Variants in PLXDC2 observed in about 807,000 individuals in gnomAD.
PLXDC2 encodes plexin domain containing 2.
A neutral mutation model predicts 68.9 loss-of-function variants in PLXDC2; 40 were observed. That is an observed-to-expected ratio of 0.58 (90% CI 0.45 to 0.76). The LOEUF is 0.76. PLXDC2 is among the 30% of genes least tolerant of loss of function. The pLI is 0.00. For missense variants in PLXDC2, 644 were observed against 661.9 expected (o/e 0.97, Z 0.30); for synonymous variants, 243 against 234.2 (o/e 1.04, Z -0.34).
At chr10:20,033,178 A>G (rs181385309) in intron 2 of PLXDC2, among the ~76,000 whole-genome samples, 1 of 151,928 alleles carries the variant, frequency 6.6e-6, no homozygotes, top group Non-Finnish European at 1.5e-5. Flanking sequence ...AACTTAAAGT[A>G]TAATAAAAAA....
At chr10:20,034,342 T>C (rs1835545699) in intron 2 of PLXDC2, among the ~76,000 whole-genome samples, 1 of 152,200 alleles carries the variant, frequency 6.6e-6, no homozygotes, top group South Asian at 2.1e-4. Flanking sequence ...TGATTAAATA[T>C]CCTCTGTATT....
chr10:20,247,812 A>G (rs550428254), intron 13 of PLXDC2, among the ~76,000 whole-genome samples: 1 of 152,348 alleles, frequency 6.6e-6, no homozygotes, highest in African/African-American at 2.4e-5. Context: ...CATAATAAAT[A>G]TCCTAGGACA....
intron 1 of PLXDC2, among the ~76,000 whole-genome samples, chr10:19,979,756 C>T (rs984159266): frequency 2.0e-5 from 3 of 152,142 alleles, no homozygotes; most frequent in Non-Finnish European, 4.4e-5. Flanking sequence ...TACCACTTGA[C>T]CAGTTTGCCT....
At chr10:19,826,173 A>G (rs541703165) in intron 1 of PLXDC2, among the ~76,000 whole-genome samples, 3 of 152,180 alleles carry the variant, frequency 2.0e-5, no homozygotes, top group South Asian at 4.2e-4. Flanking sequence ...AAAACATTCA[A>G]CCTCCTAATT....
At chr10:19,829,214 A>C (rs1323486169) in intron 1 of PLXDC2, among the ~76,000 whole-genome samples, 1 of 94,984 alleles carries the variant, frequency 1.1e-5, no homozygotes, top group Non-Finnish European at 1.9e-5. Flanking sequence ...CTTAGCCTTG[A>C]TGTCTTTATC....
intron 2 of PLXDC2, among the ~76,000 whole-genome samples, chr10:20,038,628 G>A (rs75750099): frequency 0.018 from 2,692 of 152,238 alleles, 77 homozygotes; most frequent in African/African-American, 0.061. Context: ...GTCTGGGCTT[G>A]ATTTAAGGAT....
chr10:20,142,355 A>G (rs938669979), intron 4 of PLXDC2, among the ~76,000 whole-genome samples: 1 of 152,098 alleles, frequency 6.6e-6, no homozygotes, highest in African/African-American at 2.4e-5. Flanking sequence ...GTGCATTTGC[A>G]TGTGTAATCT....
intron 4 of PLXDC2, among the ~76,000 whole-genome samples, chr10:20,085,925 C>G (rs1833186268): frequency 6.6e-6 from 1 of 152,128 alleles, no homozygotes; most frequent in Admixed American, 6.5e-5. Flanking sequence ...GCATAAATTC[C>G]TACAGCTGCC....
chr10:20,289,568 T>C lies in PLXDC2; in HGVS notation c.*9749T>C, dbSNP rs547435362. On this transcript the variant is annotated 3_prime_UTR_variant, in exon 14 of 14. Coordinates refer to ENST00000377252, the MANE Select transcript of PLXDC2 (RefSeq NM_032812.9). ...TGTGCCTCAGGTAATTTATGTGGAA[T>C]GTGTAAAGCAAGATGTCTCCAATTC... The C allele has an allele frequency of 1.9e-4, 29 of 152,340 alleles. No individual in the cohort carries two copies. The highest frequency in any genetic ancestry group is 6.0e-4 in the African/African-American group (25 of 41,572). The allele number at this position is 152,340 out of a possible 1,614,324, so 9.4% of individuals were successfully genotyped here. A position where few individuals can be genotyped will look rare whatever the true frequency, so the allele number is the denominator to read the frequency against.
Position 20,054,109 on chromosome 10 carries a change from C to T in PLXDC2, c.471+7094C>T, listed in dbSNP as rs117596633. On this transcript the variant is annotated intron_variant, in intron 3 of 13. Transcript: ENST00000377252. ...AGTTCTGAATGTAGCATGAGCAAGA[C>T]GGAAAATTTGGCCAAGAGCAGAGTG... Among the ~76,000 whole-genome samples, 1,131 of 151,988 alleles carry T rather than the reference C, an allele frequency of 7.4e-3. 7 individuals carry two copies. Among genetic ancestry groups the T allele is most frequent in the Non-Finnish European group, 0.012 (841 of 67,964 alleles).
chr10:20,226,309 C>T (rs1257426086), intron 12 of PLXDC2, among the ~76,000 whole-genome samples: 1 of 152,188 alleles, frequency 6.6e-6, no homozygotes, highest in Non-Finnish European at 1.5e-5. Context: ...TTGTCCAACC[C>T]TCAGCAGCTA....
chr10:20,094,513 TA>T (rs1193515533), intron 4 of PLXDC2, among the ~76,000 whole-genome samples: 1 of 151,716 alleles, frequency 6.6e-6, no homozygotes, highest in Admixed American at 6.6e-5. Context: ...CTGGAAGTGA[TA>T]GAGGACTTGA....
At chr10:19,895,115 A>T (rs945106629) in intron 1 of PLXDC2, among the ~76,000 whole-genome samples, 19 of 152,338 alleles carry the variant, frequency 1.2e-4, no homozygotes, top group Non-Finnish European at 2.4e-4. Context: ...GGATGAGTTC[A>T]TGTCCTTTGC....
chr10:19,844,802 G>A (rs1356986468), intron 1 of PLXDC2, among the ~76,000 whole-genome samples: 1 of 151,966 alleles, frequency 6.6e-6, no homozygotes, highest in Non-Finnish European at 1.5e-5. Context: ...GTGAGGTCTT[G>A]CTATGTTGTC....
In PLXDC2 at chr10:20,281,580, T is replaced by A. The variant is rs1836082652; in HGVS notation, c.*1761T>A. The A allele has an allele frequency of 6.6e-6, 1 of 152,178 alleles. No homozygotes were observed. Among genetic ancestry groups the A allele is most frequent in the African/African-American group, 2.4e-5 (1 of 41,458 alleles). 9.4% of individuals were successfully genotyped at this position (152,178 alleles called of 1,614,324 possible). A position where few individuals can be genotyped will look rare whatever the true frequency, so the allele number is the denominator to read the frequency against. On this transcript the variant is annotated 3_prime_UTR_variant, in exon 14 of 14. Coordinates refer to ENST00000377252, the MANE Select transcript of PLXDC2 (RefSeq NM_032812.9). ...GACGTGAACGAATGCCATTTTCTAT[T>A]CCATATATTTTGCTTTACAATTTTA...
At chr10:20,099,913 T>C (rs1833400503) in intron 4 of PLXDC2, among the ~76,000 whole-genome samples, 1 of 152,130 alleles carries the variant, frequency 6.6e-6, no homozygotes, top group South Asian at 2.1e-4. Flanking sequence ...CGGTTACGAT[T>C]TATGGGGCCT....
intron 9 of PLXDC2, among the ~76,000 whole-genome samples, chr10:20,182,054 G>A (rs1834611942): frequency 7.0e-6 from 1 of 143,824 alleles, no homozygotes; most frequent in African/African-American, 2.7e-5. Flanking sequence ...AAGGTGTTTG[G>A]GAAGGAAACC....
chr10:19,941,102 C>T (rs1833811291), intron 1 of PLXDC2, among the ~76,000 whole-genome samples: 1 of 152,172 alleles, frequency 6.6e-6, no homozygotes, highest in African/African-American at 2.4e-5. Context: ...TTTCCCATGC[C>T]TCTGTTTCAT....
intron 2 of PLXDC2, among the ~76,000 whole-genome samples, chr10:20,016,207 A>G (rs1438567947): frequency 6.6e-6 from 1 of 152,210 alleles, no homozygotes; most frequent in Non-Finnish European, 1.5e-5. Flanking sequence ...GCTCATGTTC[A>G]TAAAGCATCC....
Sources: allele counts gnomAD v4.1 joint callset (sites outside exome capture counted in the v4.1 genomes callset), GRCh38; gene constraint gnomAD v4.1.1; transcripts MANE v1.5; gene names NCBI Gene and HGNC (gene_info 2026-07-23, HGNC 2026-07-21).